Variants in MAN1A1 observed in about 807,000 individuals in gnomAD.
The protein encoded by MAN1A1 is mannosyl-oligosaccharide 1,2-alpha-mannosidase IA.
A neutral mutation model predicts 70.8 loss-of-function variants in MAN1A1; 29 were observed. That is an observed-to-expected ratio of 0.41 (90% CI 0.31 to 0.56). The LOEUF (loss-of-function observed/expected upper bound fraction) is 0.56, where lower values mean the gene tolerates loss of function less well. Ranked by LOEUF, MAN1A1 falls within the 20% of genes least tolerant of loss-of-function variation. The pLI is 0.29. For synonymous variants in MAN1A1, 349 were observed against 330.1 expected (o/e 1.06, Z -0.62); for missense variants, 747 against 841.3 (o/e 0.89, Z 1.39).
intron 6 of MAN1A1, among the ~76,000 whole-genome samples, chr6:119,216,756 C>G (rs1007879389): frequency 6.6e-6 from 1 of 151,980 alleles, no homozygotes; most frequent in African/African-American, 2.4e-5. Flanking sequence ...TGAAAAGAAA[C>G]AAAAGATTAT....
At chr6:119,219,323 G>T (rs906151530) in intron 6 of MAN1A1, among the ~76,000 whole-genome samples, 2 of 151,864 alleles carry the variant, frequency 1.3e-5, no homozygotes, top group Non-Finnish European at 2.9e-5. Flanking sequence ...GTAAATTAGG[G>T]AATGGGTCAG....
In MAN1A1 at chr6:119,342,561, A is replaced by G. The variant is rs187505684; in HGVS notation, c.603+5902T>C. Reference sequence around the variant, plus strand: ...AATTTGCAGACGGTCACAAAGCAAGAGAATGGTAGAGGCCAGATTCAGACC... The same window carrying G: ...AATTTGCAGACGGTCACAAAGCAAGGGAATGGTAGAGGCCAGATTCAGACC... On this transcript the variant is annotated intron_variant, in intron 2 of 12. Coordinates refer to ENST00000368468, the MANE Select transcript of MAN1A1 (RefSeq NM_005907.4). Among the ~76,000 whole-genome samples, 3 of 152,336 alleles carry G rather than the reference A, an allele frequency of 2.0e-5. No homozygotes were observed. In the East Asian group the frequency reaches 5.8e-4, roughly 29 times the overall value.
chr6:119,188,387 T>C lies in MAN1A1; in HGVS notation c.1719+18A>G. 1.9e-6 allele frequency: 3 copies of C among 1,573,840 alleles called. No homozygotes were observed. Among genetic ancestry groups the C allele is most frequent in the Non-Finnish European group, 2.6e-6 (3 of 1,164,134 alleles). Reference sequence around the variant, plus strand: ...CTATGAAATTTATCTATAAGAAACATGCAAATTAAAACATCACCTCTACGG... The same window carrying C: ...CTATGAAATTTATCTATAAGAAACACGCAAATTAAAACATCACCTCTACGG... On this transcript the variant is annotated intron_variant, in intron 11 of 12. Coordinates refer to ENST00000368468, the MANE Select transcript of MAN1A1 (RefSeq NM_005907.4).
chr6:119,232,562 C>T (rs954917673), intron 6 of MAN1A1, among the ~76,000 whole-genome samples: 15 of 152,060 alleles, frequency 9.9e-5, no homozygotes, highest in South Asian at 6.2e-4. Flanking sequence ...TTATTTCTTT[C>T]GGTTCCAATA....
At chr6:119,289,241 G>C (rs530278182) in intron 5 of MAN1A1, among the ~76,000 whole-genome samples, 69 of 151,900 alleles carry the variant, frequency 4.5e-4, no homozygotes, top group African/African-American at 1.6e-3. Flanking sequence ...GACACAAAAG[G>C]ATGCAATCCT....
chr6:119,197,767 G>A (rs1773611168), intron 8 of MAN1A1, among the ~76,000 whole-genome samples: 1 of 152,082 alleles, frequency 6.6e-6, no homozygotes, highest in Admixed American at 6.5e-5. Context: ...GGGCAGGAGA[G>A]AGAGCTAAGA....
Position 119,302,118 on chromosome 6 carries a change from A to G in MAN1A1, c.701-15T>C. The G allele has an allele frequency of 1.6e-6, 2 of 1,249,428 alleles. No individual in the cohort carries two copies. The allele number at this position is 1,249,428 out of a possible 1,614,324, so 77.4% of individuals were successfully genotyped here. ...TTTGATGTTACCTGAAAAGATCAGA[A>G]AAATATTTGATAAAATACTTTGCCT... On this transcript the variant is annotated splice_polypyrimidine_tract_variant and intron_variant, in intron 3 of 12. Transcript: ENST00000368468.
At chr6:119,293,597 C>G (rs985856556) in intron 4 of MAN1A1, among the ~76,000 whole-genome samples, 1 of 152,074 alleles carries the variant, frequency 6.6e-6, no homozygotes, top group African/African-American at 2.4e-5. Flanking sequence ...GAACCACATT[C>G]GAATTTCCAA....
At chr6:119,319,612 G>A (rs112234100) in intron 2 of MAN1A1, among the ~76,000 whole-genome samples, 3 of 152,212 alleles carry the variant, frequency 2.0e-5, no homozygotes, top group African/African-American at 7.2e-5. Context: ...CAGCAGAGGT[G>A]AAATTGTTTT....
At position 119,258,650 on chromosome 6, in the gene MAN1A1, T is replaced by C. The variant is rs562356522; in HGVS notation, c.898-10296A>G. Among the ~76,000 whole-genome samples, 192 of 152,330 alleles carry C rather than the reference T, an allele frequency of 1.3e-3. 1 individual carries two copies. The highest frequency in any genetic ancestry group is 2.0e-3 in the Non-Finnish European group (136 of 67,996). On this transcript the variant is annotated intron_variant, in intron 5 of 12. Transcript: ENST00000368468. ...CATATCATAATTCCCTGACATATTT[T>C]AGTTATGAAGCATTCTACACTAGTG...
At position 119,318,857 on chromosome 6, in the gene MAN1A1, C is replaced by T. The variant is rs990029422; in HGVS notation, c.604-11865G>A. ...CATCCTACACGGGTTCTTTCATCAC[C>T]ATGAGTCTTGGTTTCATTGAGGATT... On this transcript the variant is annotated intron_variant, in intron 2 of 12. Transcript: ENST00000368468. 1.1e-4 allele frequency among the ~76,000 whole-genome samples: 17 copies of T among 152,152 alleles called. 1 individual carries two copies. The highest frequency in any genetic ancestry group is 3.9e-4 in the African/African-American group (16 of 41,430).
chr6:119,229,676 T>A (rs1774622072), intron 6 of MAN1A1, among the ~76,000 whole-genome samples: 1 of 152,188 alleles, frequency 6.6e-6, no homozygotes, highest in South Asian at 2.1e-4. Context: ...CATGAACCTT[T>A]CTCTTGGTTT....
intron 2 of MAN1A1, among the ~76,000 whole-genome samples, chr6:119,327,686 A>C (rs195057): frequency 0.12 from 17,802 of 152,150 alleles, 1,465 homozygotes; most frequent in Admixed American, 0.25. Flanking sequence ...ACTGCTAAGA[A>C]AGTAAATTTT....
intron 5 of MAN1A1, among the ~76,000 whole-genome samples, chr6:119,268,824 C>T (rs1775831199): frequency 6.6e-6 from 1 of 152,082 alleles, no homozygotes; most frequent in Non-Finnish European, 1.5e-5. Flanking sequence ...TGGACTCAAG[C>T]GATCTCTTGG....
At chr6:119,349,401 C>A in intron 1 of MAN1A1, 114 bp from the exon 2 acceptor site, 2 of 933,882 alleles carry the variant, frequency 2.1e-6, no homozygotes, top group Non-Finnish European at 2.6e-6. Flanking sequence ...TAAGCAGAGT[C>A]CTGTCCAGTC....
intron 6 of MAN1A1, among the ~76,000 whole-genome samples, chr6:119,217,855 G>A (rs950394496): frequency 5.3e-5 from 8 of 152,116 alleles, no homozygotes; most frequent in Non-Finnish European, 1.2e-4. Flanking sequence ...AAGGGAGTTC[G>A]TTGTTTTTCT....
chr6:119,206,547 C>T (rs1349026213), intron 6 of MAN1A1, among the ~76,000 whole-genome samples: 1 of 152,134 alleles, frequency 6.6e-6, no homozygotes, highest in Non-Finnish European at 1.5e-5. Context: ...AGAAATAAGA[C>T]ACAGAGATCT....
chr6:119,264,730 T>C (rs536930719), intron 5 of MAN1A1, among the ~76,000 whole-genome samples: 2 of 152,314 alleles, frequency 1.3e-5, no homozygotes, highest in East Asian at 1.9e-4. Flanking sequence ...AATCTAATTA[T>C]TGGTCCATAA....
In MAN1A1 at chr6:119,291,154, T is replaced by C. The variant is rs890500433; in HGVS notation, c.817-391A>G. Reference sequence around the variant, plus strand: ...GAATCATGGGGAGGGGTCTTTCCTGTGCTGTTCTTGTGATAGTGAATAAGT... The same window carrying C: ...GAATCATGGGGAGGGGTCTTTCCTGCGCTGTTCTTGTGATAGTGAATAAGT... On this transcript the variant is annotated intron_variant, in intron 4 of 12. Transcript: ENST00000368468. Among the ~76,000 whole-genome samples, 6 of 152,064 alleles carry C rather than the reference T, an allele frequency of 3.9e-5. No individual in the cohort carries two copies. The South Asian group carries it at 1.0e-3, about 26-fold the overall frequency.
Sources: gnomAD v4.1 joint callset for allele counts (sites outside exome capture counted in the v4.1 genomes callset) on GRCh38, gnomAD v4.1.1 for gene constraint, MANE v1.5 for transcripts, NCBI Gene and HGNC (gene_info 2026-07-23, HGNC 2026-07-21) for gene names.